The following HTR7 variants were observed in gnomAD, a reference collection of about 807,000 sequenced individuals.
The protein encoded by HTR7 is 5-hydroxytryptamine receptor 7.
In HTR7, 16 loss-of-function variants were observed where a neutral mutation model predicts 34.0. The ratio of observed to expected loss-of-function variants is 0.47; its 90% CI spans 0.32 to 0.71. The LOEUF is 0.71. HTR7 is among the 30% of genes least tolerant of loss of function. The pLI, the probability that HTR7 is intolerant of heterozygous loss-of-function variation, is 0.04. For missense variants in HTR7, 504 were observed against 625.5 expected, an observed-to-expected ratio of 0.81 and a Z score of 2.07; for synonymous variants, 265 against 260.2, an observed-to-expected ratio of 1.02 and a Z score of -0.18.
chr10:90,851,874 C>T (rs895468270), intron 1 of HTR7, among the ~76,000 whole-genome samples: 2 of 152,120 alleles, frequency 1.3e-5, no homozygotes, highest in Admixed American at 6.5e-5. Flanking sequence ...TGGGAGTTCC[C>T]GTGCACAAGC....
chr10:90,743,726 TA>T, intron 2 of HTR7, 36 bp from the exon 3 acceptor site: 1 of 1,466,620 alleles, frequency 6.8e-7, no homozygotes, highest in Non-Finnish European at 9.5e-7. Context: ...AATCCATAAG[TA>T]AATCAAATTT....
intron 1 of HTR7, among the ~76,000 whole-genome samples, chr10:90,815,330 G>A (rs1002645025): frequency 1.3e-5 from 2 of 152,000 alleles, no homozygotes; most frequent in African/African-American, 4.8e-5. Context: ...GACCTCAGGC[G>A]ATCCACCTGC....
intron 1 of HTR7, among the ~76,000 whole-genome samples, chr10:90,832,160 C>T (rs985217298): frequency 3.3e-5 from 5 of 152,206 alleles, no homozygotes; most frequent in Non-Finnish European, 7.3e-5. Context: ...TCTGCAAGTC[C>T]CACGCCATGC....
In HTR7 at chr10:90,749,202, T is replaced by C. The variant is rs1844690722; in HGVS notation, c.932A>G (p.His311Arg). Residue 311 changes from histidine to arginine, a missense_variant, in exon 2 of 4, where the codon CAT becomes CGT. Physicochemically the swap from His to Arg is conservative, Grantham distance 29. This residue lies in a region of HTR7 where 154 missense variants were observed against 212.1 expected (regional missense o/e 0.73). Coordinates refer to ENST00000336152, the MANE Select transcript of HTR7 (RefSeq NM_019859.4). This position sits in a 1 kb window ranked among gnomAD's most constrained non-coding sequence, Gnocchi z 4.2. ...ECANLSRLLK[H>R]ERKNISIFKR... ...AAAGATGGAGATGTTTTTCCTTTCATGCTTGAGGAGTCTCGAAAGGTTTGC... is the reference window on the plus strand; with the variant it reads ...AAAGATGGAGATGTTTTTCCTTTCACGCTTGAGGAGTCTCGAAAGGTTTGC... 6.2e-7 allele frequency: 1 copy of C among 1,614,118 alleles called. No homozygotes were observed. Among genetic ancestry groups the C allele is most frequent in the Non-Finnish European group, 8.5e-7 (1 of 1,180,022 alleles).
intron 2 of HTR7, among the ~76,000 whole-genome samples, chr10:90,745,887 C>G (rs560370822): frequency 2.0e-5 from 3 of 152,120 alleles, no homozygotes; most frequent in Non-Finnish European, 4.4e-5. Flanking sequence ...ACCACTTGGC[C>G]CTTCACAGTT....
rs1021479549 is a variant in HTR7 at position 90,812,519 on chromosome 10, T to C, written c.539+44614A>G. On this transcript the variant is annotated intron_variant, in intron 1 of 3. Coordinates refer to ENST00000336152, the MANE Select transcript of HTR7 (RefSeq NM_019859.4). The stretch of plus-strand genomic sequence containing the variant: ...TTTATACCTGTTTTTCTCCTTCTCT[T>C]ATTCCATTTAGTTTTTCAATTCATA... Among the ~76,000 whole-genome samples the C allele has an allele frequency of 1.0e-3, 152 of 152,352 alleles. 1 individual carries two copies. The highest frequency in any genetic ancestry group is 3.4e-3 in the Middle Eastern group (1 of 294).
intron 1 of HTR7, among the ~76,000 whole-genome samples, chr10:90,761,167 A>T (rs1387000164): frequency 1.3e-5 from 2 of 152,162 alleles, no homozygotes; most frequent in Non-Finnish European, 2.9e-5. Context: ...ATAAAGAAAC[A>T]TCTAAAATGA....
rs1265606196 is a variant in HTR7, at chr10:90,741,244, TCTA to T, written c.*1235_*1237del. On this transcript the variant is annotated 3_prime_UTR_variant, in exon 4 of 4. Coordinates refer to ENST00000336152, the MANE Select transcript of HTR7 (RefSeq NM_019859.4). ...AGGTACAGGTACTCTTCTATTCTCA[TCTA>T]CTGTCTTTCTGTCTCCTTAGCTCTT... 1.3e-5 allele frequency: 2 copies of T among 152,608 alleles called. No individual in the cohort carries two copies. The highest frequency in any genetic ancestry group is 4.8e-5 in the African/African-American group (2 of 41,450). The allele number at this position is 152,608 out of a possible 1,614,324, so 9.5% of individuals were successfully genotyped here. A position where few individuals can be genotyped will look rare whatever the true frequency, so the allele number is the denominator to read the frequency against.
intron 1 of HTR7, among the ~76,000 whole-genome samples, chr10:90,760,974 A>C (rs1245114176): frequency 6.6e-6 from 1 of 152,210 alleles, no homozygotes; most frequent in Non-Finnish European, 1.5e-5. Flanking sequence ...CTCTGACTGA[A>C]AGTTCTACTT....
intron 2 of HTR7, 107 bp downstream of exon 2, chr10:90,748,732 T>C: frequency 7.8e-7 from 1 of 1,275,540 alleles, no homozygotes; most frequent in Non-Finnish European, 1.1e-6. Context: ...GTATGTTTAG[T>C]AAAAACTAAG....
intron 1 of HTR7, among the ~76,000 whole-genome samples, chr10:90,815,745 T>C (rs1176566763): frequency 6.6e-6 from 1 of 151,598 alleles, no homozygotes; most frequent in South Asian, 2.1e-4. Flanking sequence ...AAAAAAAAAA[T>C]GGACATGCTA....
intron 1 of HTR7, among the ~76,000 whole-genome samples, chr10:90,816,201 G>A (rs1845897416): frequency 6.6e-6 from 1 of 152,316 alleles, no homozygotes; most frequent in Admixed American, 6.5e-5. Context: ...GAGCTGCTTG[G>A]TTTGTGGATG....
At chr10:90,764,178 G>A (rs947661147) in intron 1 of HTR7, among the ~76,000 whole-genome samples, 3 of 152,156 alleles carry the variant, frequency 2.0e-5, no homozygotes, top group African/African-American at 4.8e-5. Flanking sequence ...GTATCTCATT[G>A]TGGTTTTGAT....
In HTR7 at chr10:90,741,419, T is replaced by A. The variant is rs1163101146; in HGVS notation, c.*1063A>T. Reference sequence around the variant, plus strand: ...GCTTAGGCACACATTTGATTTAAGATACATAGAACACAAAAACAAATTCTC... The same window carrying A: ...GCTTAGGCACACATTTGATTTAAGAAACATAGAACACAAAAACAAATTCTC... On this transcript the variant is annotated 3_prime_UTR_variant, in exon 4 of 4. Transcript: ENST00000336152. The A allele has an allele frequency of 6.6e-6, 1 of 152,308 alleles. No individual in the cohort carries two copies. Among genetic ancestry groups the A allele is most frequent in the Non-Finnish European group, 1.5e-5 (1 of 68,016 alleles). The allele number at this position is 152,308 out of a possible 1,614,324, so 9.4% of individuals were successfully genotyped here.
At chr10:90,842,023 C>A (rs202067526) in intron 1 of HTR7, among the ~76,000 whole-genome samples, 2 of 112,750 alleles carry the variant, frequency 1.8e-5, no homozygotes, top group African/African-American at 2.6e-5. Flanking sequence ...ACAAAAACAA[C>A]AACAACAACA....
intron 1 of HTR7, among the ~76,000 whole-genome samples, chr10:90,754,785 C>T (rs1477456416): frequency 1.3e-5 from 2 of 152,160 alleles, no homozygotes; most frequent in African/African-American, 2.4e-5. Context: ...CTGAGTTTCA[C>T]TGCTATAGAA....
intron 1 of HTR7, among the ~76,000 whole-genome samples, chr10:90,836,631 C>T (rs1001418821): frequency 1.3e-5 from 2 of 152,090 alleles, no homozygotes; most frequent in South Asian, 2.1e-4. Context: ...TCACCTCAGC[C>T]TCCTGAGTGG....
intron 1 of HTR7, among the ~76,000 whole-genome samples, chr10:90,803,736 T>C (rs576384809): frequency 2.0e-5 from 3 of 152,274 alleles, no homozygotes; most frequent in Admixed American, 1.3e-4. Context: ...CTACCTACTG[T>C]AACAATTCTG....
intron 1 of HTR7, among the ~76,000 whole-genome samples, chr10:90,785,985 TG>T (rs1423325183): frequency 4.6e-5 from 7 of 152,204 alleles, no homozygotes; most frequent in Admixed American, 4.6e-4. Flanking sequence ...ATGTGACCAC[TG>T]GGATGTGGCC....
Sources: allele counts gnomAD v4.1 joint callset (sites outside exome capture counted in the v4.1 genomes callset), GRCh38; gene constraint gnomAD v4.1.1; regional missense constraint gnomAD v4.1.1; non-coding constraint Gnocchi (gnomAD v3.1); transcripts MANE v1.5; gene names NCBI Gene and HGNC (gene_info 2026-07-23, HGNC 2026-07-21).